The following SEMA6B variants were observed in gnomAD, a reference collection of about 807,000 sequenced individuals.
The protein encoded by SEMA6B is semaphorin 6B.
SEMA6B carries 47 observed loss-of-function variants against 78.6 expected under a neutral mutation model. The ratio of observed to expected loss-of-function variants is 0.60; its 90% CI spans 0.47 to 0.76. The LOEUF (loss-of-function observed/expected upper bound fraction) is 0.76, where lower values mean the gene tolerates loss of function less well. Among genes scored for constraint, SEMA6B ranks in the 30% least tolerant of loss-of-function variants. The pLI, the probability that SEMA6B is intolerant of heterozygous loss-of-function variation, is 0.00. For missense variants in SEMA6B, 1,213 were observed against 1,269.9 expected (o/e 0.96, Z 0.68); for synonymous variants, 632 against 592.2 (o/e 1.07, Z -0.98).
chr19:4,557,162 C>CCCTCTGGTA lies in SEMA6B; in HGVS notation c.298_306dup (p.Tyr100_Arg102dup). ...CACTCCCACCTGCACCCCTTCCTCA[C>CCCTCTGGTA]CCTCTGGTACCGCAGCTCCGTGGAC... is the stretch of plus-strand genomic sequence containing the variant. On this transcript the variant is annotated inframe_insertion and splice_region_variant. Transcript: ENST00000586582. 6.2e-7 allele frequency: 1 copy of CCCTCTGGTA among 1,611,238 alleles called. No individual in the cohort carries two copies. The highest frequency in any genetic ancestry group is 8.5e-7 in the Non-Finnish European group (1 of 1,178,262).
chr19:4,553,777 T>A (rs1977398849), intron 9 of SEMA6B, among the ~76,000 whole-genome samples: 1 of 117,278 alleles, frequency 8.5e-6, no homozygotes, highest in Non-Finnish European at 1.7e-5. Context: ...GATAAATGGA[T>A]GGATGGGTGG....
chr19:4,558,335 A>T lies in SEMA6B; in HGVS notation c.121+2T>A. 7.6e-7 allele frequency: 1 copy of T among 1,319,286 alleles called. No homozygotes were observed. The highest frequency in any genetic ancestry group is 9.8e-7 in the Non-Finnish European group (1 of 1,025,018). 81.7% of individuals were successfully genotyped at this position (1,319,286 alleles called of 1,614,324 possible). ...CCCGCCCAAAGACACCCCCAGACTC[A>T]CAGTCCCTGGGGGCCACGCTAAGCG... On this transcript the variant is annotated splice_donor_variant, in intron 2 of 16. Coordinates refer to ENST00000586582, the MANE Select transcript of SEMA6B (RefSeq NM_032108.4). LOFTEE classifies it high-confidence loss of function. The surrounding 1 kb of genome is among the most constrained non-coding windows in gnomAD (Gnocchi z 5.1).
rs373226566 is a variant in SEMA6B at position 4,555,966 on chromosome 19, C to T, written c.471+22G>A. 3.1e-6 allele frequency: 5 copies of T among 1,593,272 alleles called. No individual in the cohort carries two copies. The highest frequency in any genetic ancestry group is 4.3e-6 in the Non-Finnish European group (5 of 1,161,258). On this transcript the variant is annotated intron_variant, in intron 6 of 16. Transcript: ENST00000586582. The surrounding 1 kb of genome is among the most constrained non-coding windows in gnomAD (Gnocchi z 6.1). ...AGAGGCCTGGAGGTTGGACCTGGGG[C>T]GCAGGGAGTCTGAAGACTCACGCTG...
rs1977361415 is a variant in SEMA6B, at chr19:4,552,592, G to C, written c.819C>G (p.Gly273=). The change falls in exon 10 of 17, where the codon GGC becomes GGG. Residue 273 remains glycine, a synonymous_variant. Coordinates refer to ENST00000586582, the MANE Select transcript of SEMA6B (RefSeq NM_032108.4). The surrounding 1 kb of genome is among the most constrained non-coding windows in gnomAD (Gnocchi z 7.4). ...VARVCKNDVG[G]SPRVLEKQWT... is the part of the protein sequence containing the mutation. ...ACTGCTTCTCCAGCACGCGGGGGGA[G>C]CCTCCCACGTCGTTCTTGCACACTC... The C allele has an allele frequency of 9.9e-6, 16 of 1,612,586 alleles. No homozygotes were observed. Among genetic ancestry groups the C allele is most frequent in the Non-Finnish European group, 1.4e-5 (16 of 1,179,760 alleles).
Position 4,544,778 on chromosome 19 carries a change from G to A in SEMA6B, c.1739-249C>T, listed in dbSNP as rs1217982016. The stretch of plus-strand genomic sequence containing the variant: ...AGCCTCCCGAGTAGCTGGGACCACA[G>A]GTGCCCACCACCACGCCCGGCTAAT... On this transcript the variant is annotated intron_variant, in intron 16 of 16. Coordinates refer to ENST00000586582, the MANE Select transcript of SEMA6B (RefSeq NM_032108.4). This position sits in a 1 kb window ranked among gnomAD's most constrained non-coding sequence, Gnocchi z 5.1. 6.6e-6 allele frequency among the ~76,000 whole-genome samples: 1 copy of A among 151,878 alleles called. No homozygotes were observed. Among genetic ancestry groups the A allele is most frequent in the Non-Finnish European group, 1.5e-5 (1 of 67,982 alleles).
intron 3 of SEMA6B, among the ~76,000 whole-genome samples, chr19:4,557,801 C>T (rs892482816): frequency 6.6e-6 from 1 of 152,198 alleles, no homozygotes; most frequent in Non-Finnish European, 1.5e-5. Flanking sequence ...CAGAAGCAGC[C>T]ACCAGAGGGC....
chr19:4,543,180 T>A lies in SEMA6B; in HGVS notation c.*421A>T, dbSNP rs886856032. ...AGGGGCCTGGGTTGGGGAGGGACCT[T>A]TCCAGGGGTGGGGGAGGGCTTAGGT... is the stretch of plus-strand genomic sequence containing the variant. On this transcript the variant is annotated 3_prime_UTR_variant, in exon 17 of 17. Transcript: ENST00000586582. The A allele has an allele frequency of 1.4e-5, 8 of 588,284 alleles. No homozygotes were observed. In the Admixed American group the frequency reaches 1.5e-4, roughly 11 times the overall value. 36.4% of individuals were successfully genotyped at this position (588,284 alleles called of 1,614,324 possible). A position where few individuals can be genotyped will look rare whatever the true frequency, so the allele number is the denominator to read the frequency against.
At chr19:4,548,616 C>A (rs995030085) in intron 12 of SEMA6B, among the ~76,000 whole-genome samples, 171 bp from the exon 13 acceptor site, 1 of 152,250 alleles carries the variant, frequency 6.6e-6, no homozygotes, top group Non-Finnish European at 1.5e-5. Context: ...TACACAGGCA[C>A]GTGGGCACAC....
chr19:4,557,922 C>T (rs1977515932), intron 3 of SEMA6B, 104 bp downstream of exon 3: 1 of 1,010,696 alleles, frequency 9.9e-7, no homozygotes, highest in Non-Finnish European at 1.3e-6. Flanking sequence ...GCCCAACAGG[C>T]CCTGCACGAC....
intron 14 of SEMA6B, among the ~76,000 whole-genome samples, chr19:4,546,718 G>A (rs1003263361): frequency 2.0e-5 from 3 of 151,414 alleles, no homozygotes; most frequent in Non-Finnish European, 2.9e-5. Flanking sequence ...TCCGCCTCCC[G>A]GGTTCAAGCG....
rs769608283 is a variant in SEMA6B, at chr19:4,546,218, G to C, written c.1736C>G (p.Thr579Arg). 6.2e-7 allele frequency: 1 copy of C among 1,610,992 alleles called. No individual in the cohort carries two copies. The highest frequency in any genetic ancestry group is 8.5e-7 in the Non-Finnish European group (1 of 1,179,604). ...AGCCTGCCGTCCCCCCAACTCACCTGTGCAGTCCCCTAAGCCTGAGGTGCT... is the reference window on the plus strand; with the variant it reads ...AGCCTGCCGTCCCCCCAACTCACCTCTGCAGTCCCCTAAGCCTGAGGTGCT... The part of the protein sequence containing the change: ...GASTSGLGDC[T>R]GLLRASLSED... The change falls in exon 16 of 17, where the codon ACA (threonine) becomes AGA (arginine). Residue 579 changes from threonine (T) to arginine (R), a missense_variant and splice_region_variant. Thr to Arg is a moderately conservative substitution (Grantham distance 71, BLOSUM62 -1). Coordinates refer to ENST00000586582, the MANE Select transcript of SEMA6B (RefSeq NM_032108.4).
intron 8 of SEMA6B, among the ~76,000 whole-genome samples, chr19:4,554,678 C>T (rs1977422507): frequency 6.6e-6 from 1 of 152,202 alleles, no homozygotes; most frequent in South Asian, 2.1e-4. Context: ...CAAATGGCAA[C>T]ATCAACTATT....
At chr19:4,547,029 A>G (rs907500207) in intron 14 of SEMA6B, among the ~76,000 whole-genome samples, 2 of 151,562 alleles carry the variant, frequency 1.3e-5, no homozygotes, top group African/African-American at 2.4e-5. Flanking sequence ...TCATGATCAT[A>G]GTTCACTGCA....
rs1237156244 is a variant in SEMA6B, at chr19:4,558,311, C to A, written c.121+26G>T. ...CAGATACTCCCACGGGACTCCACCC[C>A]CGCCCAAAGACACCCCCAGACTCAC... On this transcript the variant is annotated intron_variant, in intron 2 of 16. Coordinates refer to ENST00000586582, the MANE Select transcript of SEMA6B (RefSeq NM_032108.4). The surrounding 1 kb of genome is among the most constrained non-coding windows in gnomAD (Gnocchi z 5.1). The A allele has an allele frequency of 5.3e-6, 7 of 1,316,004 alleles. No homozygotes were observed. Among genetic ancestry groups the A allele is most frequent in the Non-Finnish European group, 6.8e-6 (7 of 1,023,110 alleles). The allele number at this position is 1,316,004 out of a possible 1,614,324, so 81.5% of individuals were successfully genotyped here.
intron 12 of SEMA6B, among the ~76,000 whole-genome samples, chr19:4,549,590 T>C (rs1977266143): frequency 6.6e-6 from 1 of 152,232 alleles, no homozygotes; most frequent in African/African-American, 2.4e-5. Flanking sequence ...GCCATTCTCC[T>C]GCCTCAGCCT....
chr19:4,556,027 G>A lies in SEMA6B; in HGVS notation c.432C>T (p.Cys144=). Residue 144 remains cysteine (C), a synonymous_variant, in exon 6 of 17, where the codon TGC becomes TGT. Coordinates refer to ENST00000586582, the MANE Select transcript of SEMA6B (RefSeq NM_032108.4). ...ACACCGGGTTGAAGGCGTTGGAACC[G>A]CACACAAAGAGCGTGGACTCGTCCC... ...LLRDESTLFV[C]GSNAFNPVCA... is the part of the protein sequence containing the mutation. 1 of 1,614,120 alleles carries A rather than the reference G, an allele frequency of 6.2e-7. No homozygotes were observed. Among genetic ancestry groups the A allele is most frequent in the Non-Finnish European group, 8.5e-7 (1 of 1,179,982 alleles).
chr19:4,546,559 C>T (rs527822399), intron 14 of SEMA6B, 90 bp from the exon 15 acceptor site: 5 of 606,430 alleles, frequency 8.2e-6, no homozygotes, highest in African/African-American at 8.1e-5. Context: ...CTGTTCCAAG[C>T]ACCTGCCTCT....
chr19:4,544,039 C>T lies in SEMA6B; in HGVS notation c.2229G>A (p.Pro743=), dbSNP rs757521795. The part of the protein sequence containing the change: ...RAWDHGHPLL[P]ASASSSLLLL... The stretch of plus-strand genomic sequence containing the variant: ...GCAGGAGGGAGGATGAAGCGGAGGC[C>T]GGGAGCAGGGGGTGGCCGTGGTCCC... Residue 743 remains proline, a synonymous_variant, in exon 17 of 17, where the codon CCG becomes CCA. Transcript: ENST00000586582. This position sits in a 1 kb window ranked among gnomAD's most constrained non-coding sequence, Gnocchi z 5.1. 37 of 1,214,890 alleles carry T rather than the reference C, an allele frequency of 3.0e-5. No homozygotes were observed. Among genetic ancestry groups the T allele is most frequent in the East Asian group, 3.4e-5 (1 of 29,350 alleles). 75.3% of individuals were successfully genotyped at this position (1,214,890 alleles called of 1,614,324 possible). A position where few individuals can be genotyped will look rare whatever the true frequency, so the allele number is the denominator to read the frequency against.
Position 4,556,086 on chromosome 19 carries a change from C to T in SEMA6B, c.373G>A (p.Glu125Lys). Residue 125 changes from glutamate (E) to lysine (K), a missense_variant, in exon 6 of 17, where the codon GAG becomes AAG. By Grantham distance (56) the Glu-to-Lys change is moderately conservative. Transcript: ENST00000586582. ...AGCACCTTTACGAAGTTTCGACACT[C>T]GCCCTGAGGTGGGGACAGGAGGAAG... is the stretch of plus-strand genomic sequence containing the variant. Reference protein sequence around the residue: ...VCRMKGKQEGECRNFVKVLLL... With the variant: ...VCRMKGKQEGKCRNFVKVLLL... 1 of 1,612,570 alleles carries T rather than the reference C, an allele frequency of 6.2e-7. No individual in the cohort carries two copies. Among genetic ancestry groups the T allele is most frequent in the Non-Finnish European group, 8.5e-7 (1 of 1,178,704 alleles).
Sources: allele counts gnomAD v4.1 joint callset (sites outside exome capture counted in the v4.1 genomes callset), GRCh38; gene constraint gnomAD v4.1.1; non-coding constraint Gnocchi (gnomAD v3.1); transcripts MANE v1.5; gene names NCBI Gene and HGNC (gene_info 2026-07-23, HGNC 2026-07-21).